Variants in FLT1 observed in about 807,000 individuals in gnomAD.
FLT1 encodes the protein fms related receptor tyrosine kinase 1.
In FLT1, 49 loss-of-function variants were observed where a neutral mutation model predicts 156.3. That is an observed-to-expected ratio of 0.31 (90% CI 0.25 to 0.40). FLT1 has a LOEUF of 0.40. Among genes scored for constraint, FLT1 ranks in the 10% least tolerant of loss-of-function variants. FLT1 has a pLI of 1.00. For missense variants in FLT1, 1,322 were observed against 1,637.2 expected, an observed-to-expected ratio of 0.81 and a Z score of 3.32; for synonymous variants, 594 against 583.8, an observed-to-expected ratio of 1.02 and a Z score of -0.25.
intron 13 of FLT1, chr13:28,387,667 T>C (rs570325133): frequency 2.8e-6 from 3 of 1,064,648 alleles, no homozygotes; most frequent in Admixed American, 1.1e-4. Context: ...CCCTGTTCCA[T>C]TTCAATTATT....
chr13:28,408,007 T>C (rs7992068), intron 10 of FLT1, among the ~76,000 whole-genome samples: 45,060 of 152,116 alleles, frequency 0.3, 6,936 homozygotes, highest in East Asian at 0.44. Context: ...TGTGCACATA[T>C]ACACATGTGT....
rs73455419 is a variant in FLT1, at chr13:28,452,210, G to A, written c.389-13865C>T. 5.6e-3 allele frequency among the ~76,000 whole-genome samples: 859 copies of A among 152,272 alleles called. 5 individuals are homozygous for A. Among genetic ancestry groups the A allele is most frequent in the African/African-American group, 0.02 (815 of 41,540 alleles). On this transcript the variant is annotated intron_variant, in intron 3 of 29. Transcript: ENST00000282397. Reference sequence around the variant, plus strand: ...CACACAAAGTTCTGAGGGAGTTGGGGTGGGAGCCCAGGCAAGGACACGTTA... The same window carrying A: ...CACACAAAGTTCTGAGGGAGTTGGGATGGGAGCCCAGGCAAGGACACGTTA...
chr13:28,442,926 C>T (rs1878416557), intron 3 of FLT1, among the ~76,000 whole-genome samples: 2 of 152,202 alleles, frequency 1.3e-5, no homozygotes, highest in South Asian at 2.1e-4. Flanking sequence ...TCCCGTAGGA[C>T]ACATCTGTCT....
chr13:28,419,650 C>T (rs1472559561), intron 10 of FLT1, among the ~76,000 whole-genome samples: 4 of 152,278 alleles, frequency 2.6e-5, no homozygotes, highest in African/African-American at 4.8e-5. Context: ...GAGGCCGAGG[C>T]GGATGGATCA....
chr13:28,338,389 A>C (rs1479227343), intron 17 of FLT1, among the ~76,000 whole-genome samples: 1 of 152,134 alleles, frequency 6.6e-6, no homozygotes, highest in East Asian at 1.9e-4. Context: ...CAGAAGCCAC[A>C]ATCCAAACAT....
At position 28,470,854 on chromosome 13, in the gene FLT1, CTAATTTTTATAT is replaced by C. The variant is rs1343851167; in HGVS notation, c.65-3249_65-3238del. 3.8e-4 allele frequency among the ~76,000 whole-genome samples: 58 copies of C among 152,222 alleles called. No individual in the cohort carries two copies. In the East Asian group the frequency reaches 8.9e-3, roughly 23 times the overall value. ...TACAGGCGCCTGCCACCACACCCAG[CTAATTTTTATAT>C]TTTTAGTAGAGACGGGGTTTTGCCA... On this transcript the variant is annotated intron_variant, in intron 1 of 29. Transcript: ENST00000282397.
intron 14 of FLT1, among the ~76,000 whole-genome samples, chr13:28,365,056 G>C (rs748738129): frequency 6.6e-6 from 1 of 151,972 alleles, no homozygotes; most frequent in African/African-American, 2.4e-5. Flanking sequence ...TTTATTTTTA[G>C]GTGGAACCAT....
chr13:28,392,568 T>A (rs180830279), intron 12 of FLT1, among the ~76,000 whole-genome samples: 2 of 151,968 alleles, frequency 1.3e-5, no homozygotes, highest in African/African-American at 4.8e-5. Context: ...GTGTAGAGAG[T>A]TTCTATTTAC....
At chr13:28,329,798 T>C in intron 18 of FLT1, 70 bp from the exon 19 acceptor site, 9 of 1,276,818 alleles carry the variant, frequency 7.0e-6, no homozygotes, top group Non-Finnish European at 1.0e-5. Context: ...GCGGCATTCT[T>C]GCCCTCCTTG....
At position 28,300,558 on chromosome 13, in the gene FLT1, T is replaced by TACACAC; in HGVS notation, c.*2608_*2609insGTGTGT. ...ACACACACACACACACACACACACA[T>TACACAC]ACAGTTACACCACTGTCGGCCAAAG... is the stretch of plus-strand genomic sequence containing the variant. On this transcript the variant is annotated 3_prime_UTR_variant, in exon 30 of 30. Transcript: ENST00000282397. 4.4e-6 allele frequency: 1 copy of TACACAC among 225,464 alleles called. No homozygotes were observed. Among genetic ancestry groups the TACACAC allele is most frequent in the Non-Finnish European group, 8.6e-6 (1 of 116,394 alleles). 14.0% of individuals were successfully genotyped at this position (225,464 alleles called of 1,614,324 possible).
chr13:28,431,881 G>A (rs1877703454), intron 6 of FLT1, among the ~76,000 whole-genome samples: 1 of 149,694 alleles, frequency 6.7e-6, no homozygotes, highest in African/African-American at 2.5e-5. Context: ...AGTCTTGGCT[G>A]TACTTACTAA....
intron 1 of FLT1, among the ~76,000 whole-genome samples, chr13:28,473,773 GGAAGGAAAGAAAGAAAGAAAGAAAGAAA>G (rs1209271815): frequency 1.0e-3 from 86 of 84,642 alleles, no homozygotes; most frequent in African/African-American, 4.0e-3. Context: ...AAGGAAGGAA[GGAAGGAAAGAAAGAAAGAAAGAAAGAAA>G]GAAAGAAAGA....
intron 1 of FLT1, among the ~76,000 whole-genome samples, chr13:28,484,041 A>C (rs997748720): frequency 5.9e-5 from 9 of 152,228 alleles, no homozygotes; most frequent in African/African-American, 2.2e-4. Flanking sequence ...CAATCCATAA[A>C]ACAAAGTTAC....
intron 1 of FLT1, among the ~76,000 whole-genome samples, chr13:28,485,703 A>G (rs2137664424): frequency 6.6e-6 from 1 of 152,206 alleles, no homozygotes; most frequent in African/African-American, 2.4e-5. Context: ...GCTTGCTTTG[A>G]CCAATAGAAT....
rs1380737970 is a variant in FLT1 at position 28,322,161 on chromosome 13, TA to T, written c.3051+100del. The T allele has an allele frequency of 1.6e-5, 13 of 811,658 alleles. No individual in the cohort carries two copies. The African/African-American group carries it at 1.8e-4, about 12-fold the overall frequency. The allele number at this position is 811,658 out of a possible 1,614,324, so 50.3% of individuals were successfully genotyped here. On this transcript the variant is annotated intron_variant, in intron 22 of 29. Coordinates refer to ENST00000282397, the MANE Select transcript of FLT1 (RefSeq NM_002019.4). This position sits in a 1 kb window ranked among gnomAD's most constrained non-coding sequence, Gnocchi z 4.3. ...CTTGCAGTGGTGTTTGTTCTACATT[TA>T]AGAACATAGGTATCAGCAAATACTA...
At chr13:28,374,068 G>A (rs922434515) in intron 14 of FLT1, among the ~76,000 whole-genome samples, 6 of 152,130 alleles carry the variant, frequency 3.9e-5, no homozygotes, top group African/African-American at 1.4e-4. Context: ...TGGGATTTCC[G>A]ATTGGGGTTA....
chr13:28,318,771 G>C (rs1194231234), intron 24 of FLT1, among the ~76,000 whole-genome samples: 2 of 152,190 alleles, frequency 1.3e-5, no homozygotes, highest in East Asian at 1.9e-4. Flanking sequence ...TTGAGTTTTA[G>C]AGGCCTCAGA....
chr13:28,393,619 C>T (rs1874867686), intron 12 of FLT1, among the ~76,000 whole-genome samples: 1 of 152,170 alleles, frequency 6.6e-6, no homozygotes, highest in Non-Finnish European at 1.5e-5. Flanking sequence ...CAGGCTCTCG[C>T]TCTGACACTC....
chr13:28,337,248 T>C (rs748044796), intron 17 of FLT1, among the ~76,000 whole-genome samples: 2 of 152,016 alleles, frequency 1.3e-5, no homozygotes, highest in Non-Finnish European at 2.9e-5. Context: ...ATCTATCAGG[T>C]ACTATAAATT....
Sources: allele counts gnomAD v4.1 joint callset (sites outside exome capture counted in the v4.1 genomes callset), GRCh38; gene constraint gnomAD v4.1.1; non-coding constraint Gnocchi (gnomAD v3.1); transcripts MANE v1.5; gene names NCBI Gene and HGNC (gene_info 2026-07-23, HGNC 2026-07-21).